The following SMYD3 variants were observed in gnomAD, a reference collection of about 807,000 sequenced individuals.
SMYD3 encodes SET and MYND domain containing 3, also known as histone-lysine N-methyltransferase SMYD3.
A neutral mutation model predicts 57.7 loss-of-function variants in SMYD3; 36 were observed. The ratio of observed to expected loss-of-function variants is 0.62; its 90% CI spans 0.48 to 0.82. The LOEUF (loss-of-function observed/expected upper bound fraction) is 0.82, where lower values mean the gene tolerates loss of function less well. SMYD3 is among the 40% of genes least tolerant of loss of function. The pLI, the probability that SMYD3 is intolerant of heterozygous loss-of-function variation, is 0.00. For synonymous variants in SMYD3, 211 were observed against 195.0 expected (o/e 1.08, Z -0.68); for missense variants, 515 against 538.8 (o/e 0.96, Z 0.44).
At chr1:246,387,520 A>G (rs1483105375) in intron 1 of SMYD3, among the ~76,000 whole-genome samples, 2 of 150,368 alleles carry the variant, frequency 1.3e-5, no homozygotes, top group Admixed American at 6.6e-5. Flanking sequence ...AAGAAATGTA[A>G]TATTTTAAAA....
chr1:246,307,844 C>T (rs113754165), intron 5 of SMYD3, among the ~76,000 whole-genome samples: 2,484 of 152,264 alleles, frequency 0.016, 30 homozygotes, highest in Non-Finnish European at 0.025. Context: ...GCTCCTAACC[C>T]AAAACAGGCA....
At chr1:245,782,136 C>G (rs1445335734) in intron 10 of SMYD3, among the ~76,000 whole-genome samples, 4 of 152,164 alleles carry the variant, frequency 2.6e-5, no homozygotes, top group Non-Finnish European at 1.5e-5. Context: ...ATGTATCACT[C>G]CTTCTACATT....
chr1:245,756,502 T>G (rs1479733823), intron 11 of SMYD3, among the ~76,000 whole-genome samples: 3 of 152,124 alleles, frequency 2.0e-5, no homozygotes, highest in African/African-American at 7.2e-5. Flanking sequence ...TTTCTTTCTG[T>G]TTAGAGAACT....
intron 1 of SMYD3, among the ~76,000 whole-genome samples, chr1:246,433,746 C>T (rs1464180414): frequency 2.0e-5 from 3 of 152,214 alleles, no homozygotes; most frequent in Non-Finnish European, 4.4e-5. Flanking sequence ...CTACCAACAT[C>T]ATTTTTCACA....
intron 5 of SMYD3, among the ~76,000 whole-genome samples, chr1:246,051,583 G>A (rs937922356): frequency 4.0e-5 from 6 of 151,286 alleles, no homozygotes; most frequent in African/African-American, 1.5e-4. Flanking sequence ...TAGATTAAAT[G>A]CTTATACCTG....
intron 5 of SMYD3, among the ~76,000 whole-genome samples, chr1:246,210,805 A>G (rs1380419788): frequency 1.3e-5 from 2 of 152,120 alleles, no homozygotes; most frequent in Admixed American, 6.5e-5. Context: ...CACAGTCTAT[A>G]TATTTGACCG....
chr1:246,424,103 A>C (rs1279560668), intron 1 of SMYD3, among the ~76,000 whole-genome samples: 2 of 152,232 alleles, frequency 1.3e-5, no homozygotes, highest in Admixed American at 6.5e-5. Context: ...AGATGAATAC[A>C]AAGAAATGAA....
At chr1:246,008,292 G>T (rs61541583) in intron 5 of SMYD3, among the ~76,000 whole-genome samples, 8,715 of 152,290 alleles carry the variant, frequency 0.057, 349 homozygotes, top group African/African-American at 0.099. Flanking sequence ...CGCACAGAGC[G>T]GTGTTGGAGA....
At chr1:245,889,707 AT>A (rs2053274762) in intron 8 of SMYD3, among the ~76,000 whole-genome samples, 1 of 152,230 alleles carries the variant, frequency 6.6e-6, no homozygotes, top group Admixed American at 6.5e-5. Context: ...CAAAATACCA[AT>A]GACATTCTTC....
At chr1:245,806,551 C>T (rs2048151556) in intron 10 of SMYD3, among the ~76,000 whole-genome samples, 2 of 152,274 alleles carry the variant, frequency 1.3e-5, no homozygotes, top group East Asian at 1.9e-4. Flanking sequence ...GAACTTGGCC[C>T]TAAACTGACA....
Position 246,173,521 on chromosome 1 carries a change from G to A in SMYD3, c.531+153680C>T, listed in dbSNP as rs111616628. ...ACACTAACACATTGTTCAGCTGTAT[G>A]AAAACATTTCCTTTTTTATAACCTT... On this transcript the variant is annotated intron_variant, in intron 5 of 11. Coordinates refer to ENST00000490107, the MANE Select transcript of SMYD3 (RefSeq NM_001167740.2). Among the ~76,000 whole-genome samples the A allele has an allele frequency of 1.6e-3, 247 of 152,296 alleles. 1 individual carries two copies. The highest frequency in any genetic ancestry group is 5.5e-3 in the African/African-American group (229 of 41,570).
chr1:246,324,265 A>G (rs1353219198), intron 5 of SMYD3, among the ~76,000 whole-genome samples: 1 of 151,874 alleles, frequency 6.6e-6, no homozygotes, highest in Non-Finnish European at 1.5e-5. Flanking sequence ...AAATACAAAA[A>G]TTGGCCAGGT....
At chr1:245,787,809 T>G (rs901375165) in intron 10 of SMYD3, among the ~76,000 whole-genome samples, 1 of 152,202 alleles carries the variant, frequency 6.6e-6, no homozygotes, top group African/African-American at 2.4e-5. Flanking sequence ...AAAGGATTTT[T>G]GGGCACAAGC....
chr1:245,851,308 AGTAG>A (rs2050963948), intron 10 of SMYD3, among the ~76,000 whole-genome samples: 1 of 152,196 alleles, frequency 6.6e-6, no homozygotes, highest in South Asian at 2.1e-4. Context: ...AGTGCATTTA[AGTAG>A]GTAGGTCTCC....
At chr1:246,314,816 T>C (rs1163972943) in intron 5 of SMYD3, among the ~76,000 whole-genome samples, 1 of 152,250 alleles carries the variant, frequency 6.6e-6, no homozygotes, top group Non-Finnish European at 1.5e-5. Flanking sequence ...CAAGCTAATC[T>C]AGTTTCAAAT....
intron 5 of SMYD3, among the ~76,000 whole-genome samples, chr1:246,169,387 A>AAAAAC (rs1389347684): frequency 6.7e-6 from 1 of 149,550 alleles, no homozygotes; most frequent in African/African-American, 2.5e-5. Flanking sequence ...CTTTCAAAAA[A>AAAAAC]AAAAAAAAAA....
intron 5 of SMYD3, among the ~76,000 whole-genome samples, chr1:246,104,544 G>T (rs2061081903): frequency 6.6e-6 from 1 of 152,198 alleles, no homozygotes; most frequent in Non-Finnish European, 1.5e-5. Flanking sequence ...TTCGGGTCTT[G>T]TCGAACTTGT....
At chr1:245,893,493 T>C (rs2053525719) in intron 8 of SMYD3, among the ~76,000 whole-genome samples, 1 of 10,768 alleles carries the variant, frequency 9.3e-5, no homozygotes, top group African/African-American at 3.4e-4. Context: ...AACTATGAAA[T>C]AGCCATGTAA....
chr1:246,376,589 T>TAAAAA (rs55996523), intron 1 of SMYD3, among the ~76,000 whole-genome samples: 1,324 of 85,020 alleles, frequency 0.016, 23 homozygotes, highest in East Asian at 0.05. Flanking sequence ...ACACTCCATC[T>TAAAAA]AAAAAAAAAA....
Sources: gnomAD v4.1 joint callset for allele counts (sites outside exome capture counted in the v4.1 genomes callset) on GRCh38, gnomAD v4.1.1 for gene constraint, MANE v1.5 for transcripts, NCBI Gene and HGNC (gene_info 2026-07-23, HGNC 2026-07-21) for gene names.